CEP41: variants seen among roughly 807,000 people sequenced by gnomAD.
CEP41 encodes centrosomal protein 41.
A neutral mutation model predicts 44.3 loss-of-function variants in CEP41; 32 were observed. The ratio of observed to expected loss-of-function variants is 0.72; its 90% CI spans 0.54 to 0.97. CEP41 has a LOEUF of 0.97. Ranked by LOEUF, CEP41 falls within the 50% of genes least tolerant of loss-of-function variation. The probability of loss-of-function intolerance (pLI) is 0.00; values close to 1 mark genes in which losing one functional copy is unlikely to be tolerated. For synonymous variants in CEP41, 151 were observed against 168.5 expected, an observed-to-expected ratio of 0.90 and a Z score of 0.80; for missense variants, 432 against 455.2, an observed-to-expected ratio of 0.95 and a Z score of 0.46.
rs782715030 is a variant in CEP41 at position 130,411,137 on chromosome 7, TCTC to T, written c.259_261del (p.Glu87del). On this transcript the variant is annotated inframe_deletion, in exon 5 of 11. Transcript: ENST00000223208. ...TTCTCATTACCTTCCAGCCTTTGAA[TCTC>T]CTCAGCTGTCACTTCCAGTGTTTGA... 2 of 1,614,026 alleles carry T rather than the reference TCTC, an allele frequency of 1.2e-6. No individual in the cohort carries two copies. The highest frequency in any genetic ancestry group is 3.3e-5 in the Admixed American group (2 of 60,034).
In CEP41 at chr7:130,411,191, T is replaced by C; in HGVS notation, c.208A>G (p.Ile70Val). 1 of 1,612,992 alleles carries C rather than the reference T, an allele frequency of 6.2e-7. No homozygotes were observed. The highest frequency in any genetic ancestry group is 8.5e-7 in the Non-Finnish European group (1 of 1,178,940). The change falls in exon 5 of 11, where the codon ATC becomes GTC. Residue 70 changes from isoleucine (I) to valine (V), a missense_variant and splice_region_variant. Transcript: ENST00000223208. ...TCAGAGAGGGAAGCAACTTGGATGA[T>C]CTGATAGAAAAAAGAATGAAATGTG... Reference protein sequence around the residue: ...RLKVTTFAQLIIQVASLSDQT... With the variant: ...RLKVTTFAQLVIQVASLSDQT...
chr7:130,436,069 A>G (rs1797952164), intron 1 of CEP41, among the ~76,000 whole-genome samples: 1 of 152,154 alleles, frequency 6.6e-6, no homozygotes, highest in African/African-American at 2.4e-5. Flanking sequence ...CAGGAGAATC[A>G]CTTGAACCCA....
At chr7:130,421,136 C>T in intron 2 of CEP41, 1 of 985,326 alleles carries the variant, frequency 1.0e-6, no homozygotes, top group Non-Finnish European at 1.2e-6. Context: ...AGCAACAGTG[C>T]TGTGCAAACA....
At position 130,395,372 on chromosome 7, in the gene CEP41, AG is replaced by A. The variant is rs1554414076; in HGVS notation, c.*3518del. The A allele has an allele frequency of 2.2e-6, 1 of 453,804 alleles. No homozygotes were observed. Among genetic ancestry groups the A allele is most frequent in the African/African-American group, 2.0e-5 (1 of 49,890 alleles). The allele number at this position is 453,804 out of a possible 1,614,324, so 28.1% of individuals were successfully genotyped here. A position where few individuals can be genotyped will look rare whatever the true frequency, so the allele number is the denominator to read the frequency against. On this transcript the variant is annotated 3_prime_UTR_variant, in exon 11 of 11. Transcript: ENST00000223208. Reference sequence around the variant, plus strand: ...TTGCGGTGTTTCCTGGGGAAAAAAAAGTATCGTGGGAGTTAAATCTTTGAAA... The same window carrying A: ...TTGCGGTGTTTCCTGGGGAAAAAAAATATCGTGGGAGTTAAATCTTTGAAA...
intron 1 of CEP41, among the ~76,000 whole-genome samples, chr7:130,429,487 G>A (rs1288271076): frequency 2.6e-5 from 4 of 152,168 alleles, no homozygotes; most frequent in Non-Finnish European, 5.9e-5. Context: ...TTTTTGCTCA[G>A]GCCTTTTTCT....
rs1554414575 is a variant in CEP41 at position 130,396,472 on chromosome 7, C to A, written c.*2419G>T. On this transcript the variant is annotated 3_prime_UTR_variant, in exon 11 of 11. Transcript: ENST00000223208. Reference sequence around the variant, plus strand: ...CCAGTCTCCTGTGGCTCCCCCAAATCATCTCGACAGAAAAGAAGAGAGAAG... The same window carrying A: ...CCAGTCTCCTGTGGCTCCCCCAAATAATCTCGACAGAAAAGAAGAGAGAAG... 2 of 454,420 alleles carry A rather than the reference C, an allele frequency of 4.4e-6. No homozygotes were observed. Among genetic ancestry groups the A allele is most frequent in the African/African-American group, 2.0e-5 (1 of 50,000 alleles). The allele number at this position is 454,420 out of a possible 1,614,324, so 28.1% of individuals were successfully genotyped here. A position where few individuals can be genotyped will look rare whatever the true frequency, so the allele number is the denominator to read the frequency against.
intron 3 of CEP41, among the ~76,000 whole-genome samples, chr7:130,416,472 A>G (rs1474879287): frequency 1.3e-5 from 2 of 152,224 alleles, no homozygotes; most frequent in East Asian, 3.8e-4. Context: ...GCATAACACT[A>G]AGTTCTCACG....
Position 130,407,219 on chromosome 7 carries a change from A to T in CEP41, c.278-2511T>A, listed in dbSNP as rs533512713. Among the ~76,000 whole-genome samples the T allele has an allele frequency of 9.7e-4, 147 of 151,056 alleles. 2 individuals are homozygous for T. Among genetic ancestry groups the T allele is most frequent in the Admixed American group, 9.6e-3 (145 of 15,088 alleles). On this transcript the variant is annotated intron_variant, in intron 5 of 10. Coordinates refer to ENST00000223208, the MANE Select transcript of CEP41 (RefSeq NM_018718.3). ...ATACTAATCCCAGAGGGATTTTTTTAAAACTTAAAAGGATTTAAAAAATAA... is the reference window on the plus strand; with the variant it reads ...ATACTAATCCCAGAGGGATTTTTTTTAAACTTAAAAGGATTTAAAAAATAA...
At chr7:130,440,524 G>C (rs1006429880) in intron 1 of CEP41, 4 of 372,986 alleles carry the variant, frequency 1.1e-5, no homozygotes, top group African/African-American at 2.1e-5. Flanking sequence ...CAAAGGTTTG[G>C]TCAGCTTACT....
intron 4 of CEP41, 172 bp downstream of exon 4, chr7:130,412,007 A>T (rs1797196026): frequency 3.1e-6 from 2 of 639,454 alleles, no homozygotes; most frequent in South Asian, 3.9e-5. Flanking sequence ...ATTTCTCACC[A>T]TCTTCATGTG....
At chr7:130,406,087 A>G (rs1796999941) in intron 5 of CEP41, among the ~76,000 whole-genome samples, 1 of 148,648 alleles carries the variant, frequency 6.7e-6, no homozygotes, top group South Asian at 2.1e-4. Context: ...TAATGGGTTT[A>G]GTATGGTTAT....
chr7:130,404,309 G>GA (rs1796942136), intron 6 of CEP41, among the ~76,000 whole-genome samples: 1 of 152,156 alleles, frequency 6.6e-6, no homozygotes, highest in African/African-American at 2.4e-5. Context: ...ATGTAGGAGG[G>GA]AGAAGAATGG....
At chr7:130,417,797 A>G (rs905923522) in intron 2 of CEP41, among the ~76,000 whole-genome samples, 1 of 152,262 alleles carries the variant, frequency 6.6e-6, no homozygotes, top group African/African-American at 2.4e-5. Flanking sequence ...AAAGGAAAAC[A>G]TTCAAAATAA....
intron 2 of CEP41, among the ~76,000 whole-genome samples, chr7:130,425,566 G>A (rs141246509): frequency 1.3e-5 from 2 of 152,274 alleles, no homozygotes; most frequent in East Asian, 3.9e-4. Context: ...ATGTAAAATG[G>A]TACAGTCACT....
chr7:130,408,085 C>T (rs1797067957), intron 5 of CEP41, among the ~76,000 whole-genome samples: 1 of 152,154 alleles, frequency 6.6e-6, no homozygotes, highest in South Asian at 2.1e-4. Flanking sequence ...CATGCAGGCC[C>T]TCCTGCCTCC....
At chr7:130,441,063 A>G (rs782227298), upstream of CEP41, 5 of 1,353,994 alleles carry the variant, frequency 3.7e-6, no homozygotes, top group South Asian at 2.3e-5. Context: ...GCCTCCCTAT[A>G]CCCTCTTCTC....
intron 6 of CEP41, among the ~76,000 whole-genome samples, chr7:130,404,178 T>C (rs1333154947): frequency 1.3e-5 from 2 of 152,182 alleles, no homozygotes; most frequent in African/African-American, 4.8e-5. Context: ...GAGCACTATG[T>C]GTGGCACTGT....
intron 1 of CEP41, among the ~76,000 whole-genome samples, chr7:130,433,359 G>A (rs1040286753): frequency 9.2e-5 from 14 of 151,720 alleles, no homozygotes; most frequent in Non-Finnish European, 1.9e-4. Flanking sequence ...ATTTGAGGAT[G>A]TATATACAGG....
intron 1 of CEP41, 23 bp from the exon 2 acceptor site, chr7:130,428,041 A>G (rs1300663054): frequency 2.7e-6 from 4 of 1,484,084 alleles, no homozygotes; most frequent in African/African-American, 2.8e-5. Flanking sequence ...GAAATTCACA[A>G]TTAATTGGGT....
Sources: allele counts gnomAD v4.1 joint callset (sites outside exome capture counted in the v4.1 genomes callset), GRCh38; gene constraint gnomAD v4.1.1; transcripts MANE v1.5; gene names NCBI Gene and HGNC (gene_info 2026-07-23, HGNC 2026-07-21).